The following PRKN variants were observed in gnomAD, a reference collection of about 807,000 sequenced individuals.
The protein encoded by PRKN is parkin RBR E3 ubiquitin protein ligase, also known as E3 ubiquitin-protein ligase parkin.
In PRKN, 56 loss-of-function variants were observed where a neutral mutation model predicts 59.5. The observed-to-expected ratio is 0.94, with a 90% CI of 0.76 to 1.18. The LOEUF is 1.18. PRKN is among the 50% of genes most tolerant of loss of function. The pLI, the probability that PRKN is intolerant of heterozygous loss-of-function variation, is 0.00. For missense variants in PRKN, 657 were observed against 596.4 expected, an observed-to-expected ratio of 1.10 and a Z score of -1.06; for synonymous variants, 250 against 222.1, an observed-to-expected ratio of 1.13 and a Z score of -1.12.
At chr6:161,598,079 C>T (rs147401936) in intron 7 of PRKN, among the ~76,000 whole-genome samples, 2 of 152,302 alleles carry the variant, frequency 1.3e-5, no homozygotes, top group East Asian at 3.9e-4. Context: ...AGGAAAATAA[C>T]ATTGTCTTAA....
intron 2 of PRKN, among the ~76,000 whole-genome samples, chr6:162,344,950 G>A (rs1442563692): frequency 7.9e-5 from 12 of 152,226 alleles, no homozygotes; most frequent in Admixed American, 7.9e-4. Context: ...CCTGTATACT[G>A]TATAATCACT....
intron 7 of PRKN, among the ~76,000 whole-genome samples, chr6:161,645,419 A>G (rs563656835): frequency 8.5e-5 from 13 of 152,352 alleles, no homozygotes; most frequent in African/African-American, 3.1e-4. Context: ...TCATTTAATC[A>G]TTGGGATAAA....
In PRKN at chr6:161,874,241, A is replaced by T. The variant is rs1794527488; in HGVS notation, c.735-88333T>A. Among the ~76,000 whole-genome samples the T allele has an allele frequency of 2.6e-4, 7 of 27,100 alleles. No individual in the cohort carries two copies. The South Asian group carries it at 6.7e-3, about 26-fold the overall frequency. 17.8% of individuals were successfully genotyped at this position (27,100 alleles called of 152,430 possible). A position where few individuals can be genotyped will look rare whatever the true frequency, so the allele number is the denominator to read the frequency against. ...TAATATATATTATATATAATATATA[A>T]TATATAATATATATTATATGTAAAA... is the stretch of plus-strand genomic sequence containing the variant. On this transcript the variant is annotated intron_variant, in intron 6 of 11. Transcript: ENST00000366898.
At chr6:162,222,240 A>G (rs1173241375) in intron 3 of PRKN, among the ~76,000 whole-genome samples, 1 of 152,150 alleles carries the variant, frequency 6.6e-6, no homozygotes, top group Non-Finnish European at 1.5e-5. Flanking sequence ...AGGAGGTTAT[A>G]TTAAATACCA....
chr6:162,695,739 C>A (rs963526219), intron 1 of PRKN, among the ~76,000 whole-genome samples: 4 of 152,218 alleles, frequency 2.6e-5, no homozygotes, highest in African/African-American at 9.6e-5. Context: ...ATTTCCAAAT[C>A]TGAGCAAAAA....
chr6:162,605,146 G>C (rs1009221494), intron 1 of PRKN, among the ~76,000 whole-genome samples: 10 of 152,018 alleles, frequency 6.6e-5, no homozygotes, highest in Non-Finnish European at 1.5e-4. Context: ...AATAGACCAG[G>C]TATAGATGAT....
At chr6:161,701,297 A>AC (rs1328447780) in intron 7 of PRKN, among the ~76,000 whole-genome samples, 1 of 152,176 alleles carries the variant, frequency 6.6e-6, no homozygotes, top group African/African-American at 2.4e-5. Context: ...ATTGTGTGTG[A>AC]CCCATTATGT....
At position 161,421,257 on chromosome 6, in the gene PRKN, G is replaced by A. The variant is rs975664654; in HGVS notation, c.1084-34380C>T. On this transcript the variant is annotated intron_variant, in intron 9 of 11. Coordinates refer to ENST00000366898, the MANE Select transcript of PRKN (RefSeq NM_004562.3). ...GGGGTACTTAAGTATTAATTGAAAC[G>A]TGCTGAATTCCCAACATAAATGGAA... Among the ~76,000 whole-genome samples, 9 of 152,148 alleles carry A rather than the reference G, an allele frequency of 5.9e-5. 1 individual carries two copies. Among genetic ancestry groups the A allele is most frequent in the South Asian group, 2.1e-4 (1 of 4,832 alleles).
At chr6:162,386,571 C>T (rs1183527980) in intron 2 of PRKN, among the ~76,000 whole-genome samples, 2 of 152,184 alleles carry the variant, frequency 1.3e-5, no homozygotes, top group Admixed American at 6.5e-5. Context: ...CCTGGACTCC[C>T]AGAATGGTTT....
chr6:161,572,910 T>C (rs939703302), intron 7 of PRKN, among the ~76,000 whole-genome samples: 12 of 152,280 alleles, frequency 7.9e-5, no homozygotes, highest in African/African-American at 2.9e-4. Context: ...ATAGTAAAAA[T>C]ATATTCTGGA....
At chr6:162,522,598 G>A (rs979375336) in intron 1 of PRKN, among the ~76,000 whole-genome samples, 5 of 152,146 alleles carry the variant, frequency 3.3e-5, no homozygotes, top group African/African-American at 1.2e-4. Flanking sequence ...AATTTGCTAC[G>A]TAGGCTGCTG....
intron 1 of PRKN, among the ~76,000 whole-genome samples, chr6:162,600,114 T>C (rs577802498): frequency 3.9e-5 from 6 of 152,290 alleles, no homozygotes; most frequent in South Asian, 2.1e-4. Flanking sequence ...ATCACCCCAA[T>C]AGCTTCCTTG....
intron 6 of PRKN, among the ~76,000 whole-genome samples, chr6:161,812,254 G>A (rs1170333464): frequency 6.6e-6 from 1 of 152,030 alleles, no homozygotes; most frequent in Non-Finnish European, 1.5e-5. Context: ...TTACTCAGGT[G>A]TGGTGGTGTT....
At chr6:162,281,828 T>C (rs372381373) in intron 2 of PRKN, among the ~76,000 whole-genome samples, 3 of 152,270 alleles carry the variant, frequency 2.0e-5, no homozygotes, top group East Asian at 3.9e-4. Context: ...CTGAATCTTT[T>C]TGGCACCAGG....
chr6:162,508,290 T>C (rs1447995994), intron 1 of PRKN, among the ~76,000 whole-genome samples: 1 of 151,988 alleles, frequency 6.6e-6, no homozygotes, highest in Non-Finnish European at 1.5e-5. Flanking sequence ...CCACAACACA[T>C]GGGAATTACA....
chr6:161,682,796 C>A (rs978268065), intron 7 of PRKN, among the ~76,000 whole-genome samples: 8 of 152,176 alleles, frequency 5.3e-5, no homozygotes, highest in Admixed American at 4.6e-4. Flanking sequence ...ATGGCCACAG[C>A]ATGAAGAACC....
chr6:162,431,179 T>TAAA (rs61146591), intron 2 of PRKN, among the ~76,000 whole-genome samples: 1 of 134,154 alleles, frequency 7.5e-6, no homozygotes, highest in African/African-American at 2.9e-5. Context: ...ATTTAGTTGC[T>TAAA]AAAAAAAAAA....
intron 4 of PRKN, among the ~76,000 whole-genome samples, chr6:162,133,705 G>A (rs1781461342): frequency 6.6e-6 from 1 of 152,184 alleles, no homozygotes; most frequent in Non-Finnish European, 1.5e-5. Context: ...TTGGGTTGCT[G>A]GGAAGATGAG....
intron 7 of PRKN, among the ~76,000 whole-genome samples, chr6:161,737,929 A>G (rs1048069825): frequency 1.3e-5 from 2 of 152,220 alleles, no homozygotes; most frequent in African/African-American, 2.4e-5. Context: ...TCACTGAACC[A>G]CTATTACCAT....
Sources: allele counts gnomAD v4.1 joint callset (sites outside exome capture counted in the v4.1 genomes callset), GRCh38; gene constraint gnomAD v4.1.1; transcripts MANE v1.5; gene names NCBI Gene and HGNC (gene_info 2026-07-23, HGNC 2026-07-21).